PDE4D: variants seen among roughly 807,000 people sequenced by gnomAD.
PDE4D encodes the protein 3',5'-cyclic-AMP phosphodiesterase 4D.
In PDE4D, 24 loss-of-function variants were observed where a neutral mutation model predicts 87.4. The observed-to-expected ratio is 0.27, with a 90% confidence interval of 0.20 to 0.39. The LOEUF is 0.39. Among genes scored for constraint, PDE4D ranks in the 10% least tolerant of loss-of-function variants. PDE4D has a pLI of 1.00. For missense variants in PDE4D, 714 were observed against 1,041.0 expected (o/e 0.69, Z 4.32); for synonymous variants, 384 against 383.2 (o/e 1.00, Z -0.02).
chr5:59,409,084 G>T (rs755783319), intron 1 of PDE4D, among the ~76,000 whole-genome samples: 1 of 151,024 alleles, frequency 6.6e-6, no homozygotes, highest in East Asian at 2.0e-4. Flanking sequence ...GGAGGCAGAG[G>T]TTGCAGTGAG....
intron 1 of PDE4D, among the ~76,000 whole-genome samples, chr5:59,809,794 T>G (rs1005632808): frequency 2.0e-5 from 3 of 152,190 alleles, no homozygotes; most frequent in Non-Finnish European, 4.4e-5. Flanking sequence ...TACAGCTCTA[T>G]TCTACTCCTG....
chr5:58,993,332 A>T, intron 7 of PDE4D, 40 bp downstream of exon 7: 2 of 1,224,516 alleles, frequency 1.6e-6, no homozygotes, highest in Non-Finnish European at 2.3e-6. Flanking sequence ...ACAAGCAAAC[A>T]ACTGAAGAAA....
At chr5:59,020,492 A>AG (rs34092633) in intron 6 of PDE4D, among the ~76,000 whole-genome samples, 1 of 151,804 alleles carries the variant, frequency 6.6e-6, no homozygotes, top group Non-Finnish European at 1.5e-5. Flanking sequence ...AAAAAAAAAA[A>AG]GTGATGATGT....
chr5:59,238,853 G>A (rs928235534), intron 1 of PDE4D, among the ~76,000 whole-genome samples: 1 of 152,140 alleles, frequency 6.6e-6, no homozygotes, highest in African/African-American at 2.4e-5. Flanking sequence ...TAAGGACAAA[G>A]GTACTTTTGA....
chr5:59,465,711 C>T (rs928734703), intron 1 of PDE4D, among the ~76,000 whole-genome samples: 4 of 152,096 alleles, frequency 2.6e-5, no homozygotes, highest in Non-Finnish European at 5.9e-5. Flanking sequence ...ATCTGCACAC[C>T]TCTGTGATAG....
chr5:60,374,095 C>A (rs936351404), intron 1 of PDE4D, among the ~76,000 whole-genome samples: 1 of 152,134 alleles, frequency 6.6e-6, no homozygotes, highest in African/African-American at 2.4e-5. Flanking sequence ...TGTCACCAAG[C>A]CTTCCTTTCC....
At chr5:59,669,022 CTGTT>C (rs1253326080) in intron 1 of PDE4D, among the ~76,000 whole-genome samples, 1 of 152,184 alleles carries the variant, frequency 6.6e-6, no homozygotes, top group African/African-American at 2.4e-5. Context: ...GAATCACAAA[CTGTT>C]TGACACATTC....
intron 1 of PDE4D, among the ~76,000 whole-genome samples, chr5:59,809,953 C>A (rs1414967030): frequency 6.6e-6 from 1 of 152,154 alleles, no homozygotes; most frequent in Non-Finnish European, 1.5e-5. Flanking sequence ...AAGAATAATA[C>A]ACATATTGAA....
intron 1 of PDE4D, among the ~76,000 whole-genome samples, chr5:60,339,288 T>C (rs1035764334): frequency 6.6e-6 from 1 of 152,266 alleles, no homozygotes; most frequent in African/African-American, 2.4e-5. Flanking sequence ...TGGGCCATTA[T>C]TAAGTAAACT....
rs183883967 is a variant in PDE4D at position 60,145,611 on chromosome 5, C to T, written c.42+39946G>A. On this transcript the variant is annotated intron_variant, in intron 2 of 16. Transcript: ENST00000502484. ...TATTTGGAAACTTTTTTCATTTCCA[C>T]ACATCCTTTGAGGTTTTCCTACCCT... Among the ~76,000 whole-genome samples, 3 of 152,298 alleles carry T rather than the reference C, an allele frequency of 2.0e-5. No homozygotes were observed. The East Asian group carries it at 5.8e-4, about 29-fold the overall frequency.
chr5:60,413,115 C>A (rs1742178781), intron 1 of PDE4D, among the ~76,000 whole-genome samples: 1 of 152,172 alleles, frequency 6.6e-6, no homozygotes, highest in Non-Finnish European at 1.5e-5. Flanking sequence ...ACTAGCTGAG[C>A]TCACAAGCAC....
chr5:59,447,092 C>T (rs1300692710), intron 1 of PDE4D, among the ~76,000 whole-genome samples: 1 of 152,178 alleles, frequency 6.6e-6, no homozygotes, highest in Non-Finnish European at 1.5e-5. Flanking sequence ...TACCCCAATC[C>T]TCTGGTGCTG....
intron 2 of PDE4D, among the ~76,000 whole-genome samples, chr5:60,108,071 C>T (rs1777220406): frequency 2.6e-5 from 4 of 152,018 alleles, no homozygotes; most frequent in Admixed American, 2.6e-4. Flanking sequence ...GTCAAATTGT[C>T]CCTGTTTGCA....
chr5:60,092,384 T>A (rs1164228358), intron 2 of PDE4D, among the ~76,000 whole-genome samples: 1 of 152,118 alleles, frequency 6.6e-6, no homozygotes, highest in Non-Finnish European at 1.5e-5. Flanking sequence ...GATAGTATCA[T>A]AAGGTGGCAA....
rs1755305075 is a variant in PDE4D, at chr5:60,314,119, G to C, written c.-89-128432C>G. Among the ~76,000 whole-genome samples the C allele has an allele frequency of 2.0e-5, 3 of 151,634 alleles. No homozygotes were observed. In the South Asian group the frequency reaches 6.2e-4, roughly 31 times the overall value. On this transcript the variant is annotated intron_variant, in intron 1 of 16. Coordinates refer to the PDE4D transcript ENST00000502484. ...AACAGGCAAGAGAAAAAAATAAAAG[G>C]CATCCAAATAAGAACAGAGGAAGTC...
intron 1 of PDE4D, among the ~76,000 whole-genome samples, chr5:59,878,671 A>C (rs1748962836): frequency 6.6e-6 from 1 of 152,066 alleles, no homozygotes; most frequent in Non-Finnish European, 1.5e-5. Flanking sequence ...ATTTTATCTA[A>C]TAGCATTAAG....
chr5:59,035,376 T>C (rs1758320680), intron 6 of PDE4D, among the ~76,000 whole-genome samples: 1 of 152,214 alleles, frequency 6.6e-6, no homozygotes. Context: ...ACTGTAAATA[T>C]AATTTAAGCA....
intron 1 of PDE4D, among the ~76,000 whole-genome samples, chr5:59,503,950 C>G (rs1808780564): frequency 6.6e-6 from 1 of 152,172 alleles, no homozygotes; most frequent in South Asian, 2.1e-4. Flanking sequence ...TCCTGAAATA[C>G]TGTGAACTTA....
chr5:59,809,916 T>C (rs1380475599), intron 1 of PDE4D, among the ~76,000 whole-genome samples: 2 of 152,204 alleles, frequency 1.3e-5, no homozygotes. Flanking sequence ...ACCCCTCGAT[T>C]GCTTTATTGC....
Sources: allele counts gnomAD v4.1 joint callset (sites outside exome capture counted in the v4.1 genomes callset), GRCh38; gene constraint gnomAD v4.1.1; transcripts MANE v1.5; gene names NCBI Gene and HGNC (gene_info 2026-07-23, HGNC 2026-07-21).